Variants in RSRC1 observed in about 807,000 individuals in gnomAD.
RSRC1 encodes the protein arginine and serine rich coiled-coil 1, also known as serine/Arginine-related protein 53.
A neutral mutation model predicts 49.1 loss-of-function variants in RSRC1; 39 were observed. That is an observed-to-expected ratio of 0.79 (90% confidence interval 0.61 to 1.04). RSRC1 has a LOEUF of 1.04. Ranked by LOEUF, RSRC1 falls within the 50% of genes least tolerant of loss-of-function variation. The pLI is 0.00. For synonymous variants in RSRC1, 143 were observed against 130.8 expected, an observed-to-expected ratio of 1.09 and a Z score of -0.63; for missense variants, 388 against 402.4, an observed-to-expected ratio of 0.96 and a Z score of 0.31.
intron 5 of RSRC1, among the ~76,000 whole-genome samples, chr3:158,328,638 C>T (rs1010262446): frequency 2.0e-5 from 3 of 152,176 alleles, no homozygotes; most frequent in Non-Finnish European, 4.4e-5. Flanking sequence ...GTGGGTAACC[C>T]AACCTTTCTC....
intron 4 of RSRC1, among the ~76,000 whole-genome samples, chr3:158,258,518 G>A (rs993670611): frequency 6.6e-6 from 1 of 151,804 alleles, no homozygotes; most frequent in Admixed American, 6.6e-5. Flanking sequence ...TAAATGTCTT[G>A]AGGTAGTCTA....
chr3:158,156,048 C>G (rs1399645189), intron 3 of RSRC1, among the ~76,000 whole-genome samples: 2 of 152,188 alleles, frequency 1.3e-5, no homozygotes, highest in East Asian at 1.9e-4. Flanking sequence ...CCAGATGACA[C>G]CTTCTTCCTA....
intron 5 of RSRC1, among the ~76,000 whole-genome samples, chr3:158,315,581 T>C (rs1216314704): frequency 6.6e-6 from 1 of 152,110 alleles, no homozygotes; most frequent in Non-Finnish European, 1.5e-5. Flanking sequence ...TTCAAACAAA[T>C]CTAGCTAGAT....
At chr3:158,123,170 G>C (rs1428752092) in intron 2 of RSRC1, among the ~76,000 whole-genome samples, 1 of 152,100 alleles carries the variant, frequency 6.6e-6, no homozygotes, top group Non-Finnish European at 1.5e-5. Context: ...ACTATGCCCA[G>C]CTAGTTTTGT....
chr3:158,169,105 T>C (rs1718710408), intron 3 of RSRC1, among the ~76,000 whole-genome samples: 1 of 152,176 alleles, frequency 6.6e-6, no homozygotes, highest in South Asian at 2.1e-4. Flanking sequence ...AGCGTGATGC[T>C]GCCTTTCCCT....
At chr3:158,238,642 G>A (rs1170844518) in intron 4 of RSRC1, among the ~76,000 whole-genome samples, 1 of 152,200 alleles carries the variant, frequency 6.6e-6, no homozygotes, top group Non-Finnish European at 1.5e-5. Context: ...AATAAATGGT[G>A]CTTGGAAAAC....
At chr3:158,251,530 G>GT (rs1222633515) in intron 4 of RSRC1, among the ~76,000 whole-genome samples, 1 of 151,822 alleles carries the variant, frequency 6.6e-6, no homozygotes, top group Non-Finnish European at 1.5e-5. Context: ...AGAGATCTTT[G>GT]TTTTTTGGTT....
chr3:158,138,306 T>C (rs1716532283), intron 3 of RSRC1, among the ~76,000 whole-genome samples: 1 of 152,230 alleles, frequency 6.6e-6, no homozygotes, highest in Non-Finnish European at 1.5e-5. Flanking sequence ...AACCAGACAG[T>C]GACTGCACTT....
chr3:158,309,633 A>AG (rs1728022929), intron 5 of RSRC1, among the ~76,000 whole-genome samples: 1 of 151,826 alleles, frequency 6.6e-6, no homozygotes, highest in Non-Finnish European at 1.5e-5. Flanking sequence ...GTACACTCTT[A>AG]TAAAAAACTA....
intron 4 of RSRC1, among the ~76,000 whole-genome samples, chr3:158,265,877 TG>T (rs1725143948): frequency 6.6e-6 from 1 of 152,196 alleles, no homozygotes; most frequent in Admixed American, 6.6e-5. Flanking sequence ...TGACTTATGA[TG>T]TGAGGTAGGG....
intron 7 of RSRC1, among the ~76,000 whole-genome samples, chr3:158,495,135 C>T (rs1268192068): frequency 6.6e-6 from 1 of 152,132 alleles, no homozygotes. Context: ...AATTTTCAAC[C>T]CCAGTATTAT....
intron 7 of RSRC1, among the ~76,000 whole-genome samples, chr3:158,488,746 AG>A (rs1738937099): frequency 6.6e-6 from 1 of 152,206 alleles, no homozygotes; most frequent in South Asian, 2.1e-4. Context: ...TTTCTAACTA[AG>A]TTAAGCCAGG....
intron 3 of RSRC1, among the ~76,000 whole-genome samples, chr3:158,182,275 A>G (rs1393568016): frequency 6.6e-6 from 1 of 152,166 alleles, no homozygotes; most frequent in Non-Finnish European, 1.5e-5. Context: ...TGTCTTCTAA[A>G]TTTTTCAAGT....
At chr3:158,464,702 C>G (rs1737789351) in intron 7 of RSRC1, among the ~76,000 whole-genome samples, 1 of 151,934 alleles carries the variant, frequency 6.6e-6, no homozygotes, top group Admixed American at 6.6e-5. Flanking sequence ...GTAAAGAGTA[C>G]TAGTAACTGA....
chr3:158,142,058 A>C (rs1234401974), intron 3 of RSRC1, among the ~76,000 whole-genome samples: 1 of 152,192 alleles, frequency 6.6e-6, no homozygotes. Context: ...AGAGTGTGCC[A>C]CTGCACTCCA....
intron 4 of RSRC1, among the ~76,000 whole-genome samples, chr3:158,280,938 C>T (rs1307830302): frequency 2.0e-5 from 3 of 152,042 alleles, no homozygotes; most frequent in Non-Finnish European, 2.9e-5. Flanking sequence ...TGAGCCACCG[C>T]GCCTGGCCCA....
At chr3:158,285,531 ATGTTCTTCCAT>A (rs1726476643) in intron 4 of RSRC1, among the ~76,000 whole-genome samples, 1 of 152,148 alleles carries the variant, frequency 6.6e-6, no homozygotes, top group Non-Finnish European at 1.5e-5. Flanking sequence ...TGAGCATGGA[ATGTTCTTCCAT>A]TTCTTTGTAT....
chr3:158,526,493 G>A (rs1712034587), intron 7 of RSRC1, among the ~76,000 whole-genome samples: 1 of 151,952 alleles, frequency 6.6e-6, no homozygotes, highest in African/African-American at 2.4e-5. Context: ...CCTACCCACT[G>A]TATAGTCAGA....
At chr3:158,462,207 G>A (rs1737652531) in intron 7 of RSRC1, among the ~76,000 whole-genome samples, 1 of 151,828 alleles carries the variant, frequency 6.6e-6, no homozygotes, top group South Asian at 2.1e-4. Context: ...TTCCTCAGTA[G>A]AATTACCTTC....
Sources: gnomAD v4.1 joint callset for allele counts (sites outside exome capture counted in the v4.1 genomes callset) on GRCh38, gnomAD v4.1.1 for gene constraint, MANE v1.5 for transcripts, NCBI Gene and HGNC (gene_info 2026-07-23, HGNC 2026-07-21) for gene names.